The following AQP7B variants were observed in gnomAD, a reference collection of about 807,000 sequenced individuals.
The protein encoded by AQP7B is aquaporin 7B.
the AQP7B span, chr2:94,603,602 G>A: frequency 1.5e-6 from 2 of 1,361,952 alleles, no homozygotes; most frequent in Admixed American, 2.3e-5. Flanking sequence ...ACTCTGGATG[G>A]AGACTGTACT....
the AQP7B span, chr2:94,602,724 TG>T: frequency 2.5e-6 from 3 of 1,187,484 alleles, no homozygotes; most frequent in Non-Finnish European, 3.6e-6. Context: ...TGCCTCAGCC[TG>T]GCCACCGGGC....
the AQP7B span, among the ~76,000 whole-genome samples, chr2:94,590,400 C>T: frequency 6.6e-6 from 1 of 151,940 alleles, no homozygotes. Context: ...GTTGGCCAGG[C>T]TGGTCTTGAA....
the AQP7B span, among the ~76,000 whole-genome samples, chr2:94,602,219 G>T: frequency 6.6e-6 from 1 of 152,028 alleles, no homozygotes; most frequent in Non-Finnish European, 1.5e-5. Flanking sequence ...GGTGGGCCTG[G>T]GGCTGAGGTG....
At chr2:94,596,366 G>C in the AQP7B span, among the ~76,000 whole-genome samples, 1 of 152,204 alleles carries the variant, frequency 6.6e-6, no homozygotes, top group Non-Finnish European at 1.5e-5. Flanking sequence ...GCAGGGTCCA[G>C]GGTCTAGAAA....
the AQP7B span, chr2:94,603,981 T>C: frequency 1.0e-6 from 1 of 1,000,184 alleles, no homozygotes; most frequent in Non-Finnish European, 1.5e-6. Context: ...GGAGCTCCTG[T>C]GTGTTGAGGG....
At chr2:94,591,670 C>T in the AQP7B span, among the ~76,000 whole-genome samples, 1 of 152,204 alleles carries the variant, frequency 6.6e-6, no homozygotes, top group Non-Finnish European at 1.5e-5. Flanking sequence ...TCTCATGCCA[C>T]CTCCACTCCT....
chr2:94,595,967 A>G, the AQP7B span, among the ~76,000 whole-genome samples: 7 of 152,210 alleles, frequency 4.6e-5, no homozygotes, highest in Non-Finnish European at 7.3e-5. Context: ...GTACAGAAAG[A>G]GAAAAGGATG....
the AQP7B span, among the ~76,000 whole-genome samples, chr2:94,602,181 T>G: frequency 6.6e-6 from 1 of 151,868 alleles, no homozygotes; most frequent in Non-Finnish European, 1.5e-5. Context: ...ATCCCCTCCT[T>G]GCAGCCCTGC....
At chr2:94,589,329 T>A in the AQP7B span, among the ~76,000 whole-genome samples, 6 of 152,190 alleles carry the variant, frequency 3.9e-5, no homozygotes, top group South Asian at 1.2e-3. Context: ...TTTCTTTGCT[T>A]TCTTCAAACA....
chr2:94,588,496 G>A, the AQP7B span: 2 of 684,496 alleles, frequency 2.9e-6, no homozygotes, highest in East Asian at 2.7e-5. Context: ...TGGCTCCTCA[G>A]CATCTACAAA....
chr2:94,602,973 A>T, the AQP7B span: 6 of 1,504,520 alleles, frequency 4.0e-6, no homozygotes, highest in Non-Finnish European at 5.4e-6. Context: ...CGTTGTTCTC[A>T]TACTGTTTGT....
the AQP7B span, among the ~76,000 whole-genome samples, chr2:94,591,958 G>A: frequency 6.6e-6 from 1 of 152,148 alleles, no homozygotes; most frequent in African/African-American, 2.4e-5. Flanking sequence ...CTTCCCACGG[G>A]CTGGATTGTA....
the AQP7B span, among the ~76,000 whole-genome samples, chr2:94,593,796 C>T: frequency 6.6e-6 from 1 of 151,976 alleles, no homozygotes; most frequent in Non-Finnish European, 1.5e-5. Context: ...CCTCTTCTTC[C>T]TCTTTATCCT....
chr2:94,603,292 C>A, the AQP7B span: 1 of 1,435,630 alleles, frequency 7.0e-7, no homozygotes, highest in African/African-American at 1.4e-5. Context: ...AGCCTTGGAG[C>A]TCCCCCACCC....
chr2:94,600,172 G>T, the AQP7B span, among the ~76,000 whole-genome samples: 1 of 152,040 alleles, frequency 6.6e-6, no homozygotes, highest in African/African-American at 2.4e-5. Flanking sequence ...ACCCAGCCTG[G>T]TCTGCCTTCT....
the AQP7B span, among the ~76,000 whole-genome samples, chr2:94,597,617 T>C: frequency 6.6e-6 from 1 of 151,276 alleles, no homozygotes; most frequent in Non-Finnish European, 1.5e-5. Context: ...TTTTTGTTTT[T>C]TTTTTTTTGT....
the AQP7B span, among the ~76,000 whole-genome samples, chr2:94,590,440 G>T: frequency 6.6e-6 from 1 of 152,018 alleles, no homozygotes; most frequent in African/African-American, 2.4e-5. Context: ...CACCTGCCTC[G>T]GCCTCCTAAA....
the AQP7B span, among the ~76,000 whole-genome samples, chr2:94,596,129 G>A: frequency 8.5e-5 from 13 of 152,368 alleles, no homozygotes; most frequent in South Asian, 4.1e-4. Flanking sequence ...CATGGGCAGC[G>A]GCAGATGGGC....
the AQP7B span, among the ~76,000 whole-genome samples, chr2:94,591,890 C>T: frequency 6.6e-6 from 1 of 152,196 alleles, no homozygotes. Flanking sequence ...AGTGCCCACT[C>T]TTTCAGCTGG....
Sources: gnomAD v4.1 joint callset for allele counts (sites outside exome capture counted in the v4.1 genomes callset) on GRCh38, gnomAD v4.1.1 for gene constraint, MANE v1.5 for transcripts, NCBI Gene and HGNC (gene_info 2026-07-23, HGNC 2026-07-21) for gene names.